The following ADGRV1 variants were observed in gnomAD, a reference collection of about 807,000 sequenced individuals.
The protein encoded by ADGRV1 is adhesion G protein-coupled receptor V1.
ADGRV1 carries 359 observed loss-of-function variants against 596.2 expected under a neutral mutation model. The observed-to-expected ratio is 0.60, with a 90% CI of 0.55 to 0.66. The LOEUF is 0.66. Among genes scored for constraint, ADGRV1 ranks in the 30% least tolerant of loss-of-function variants. ADGRV1 has a pLI of 0.00. For synonymous variants in ADGRV1, 2,681 were observed against 2,679.2 expected, an observed-to-expected ratio of 1.00 and a Z score of -0.02; for missense variants, 7,274 against 7,575.6, an observed-to-expected ratio of 0.96 and a Z score of 1.48.
chr5:91,102,627 T>A (rs1339668963), intron 87 of ADGRV1, among the ~76,000 whole-genome samples: 1 of 152,220 alleles, frequency 6.6e-6, no homozygotes, highest in Non-Finnish European at 1.5e-5. Flanking sequence ...TCAGTAGGAT[T>A]GATGTTTATC....
chr5:90,616,340 C>T (rs992813692), intron 2 of ADGRV1, among the ~76,000 whole-genome samples: 28 of 151,926 alleles, frequency 1.8e-4, no homozygotes, highest in African/African-American at 6.3e-4. Flanking sequence ...GAGAATCTTA[C>T]CAGTAATGCT....
chr5:90,810,792 A>G lies in ADGRV1; in HGVS notation c.15532A>G (p.Ile5178Val), dbSNP rs1287142632. The stretch of plus-strand genomic sequence containing the variant: ...TCTGCAGCCAACCAACGTGGTTGCC[A>G]TTGTTACTGAGGCAACTGGTGTATC... ...TILQPTNVVAIVTEATGVSAI... is the reference protein window; with the variant it reads ...TILQPTNVVAVVTEATGVSAI... The change falls in exon 74 of 90, where the codon ATT becomes GTT. Residue 5178 changes from isoleucine (I) to valine (V), a missense_variant. Physicochemically the swap from Ile to Val is conservative, Grantham distance 29 (BLOSUM62 3). Coordinates refer to ENST00000405460, the MANE Select transcript of ADGRV1 (RefSeq NM_032119.4). 1 of 1,613,972 alleles carries G rather than the reference A, an allele frequency of 6.2e-7. No homozygotes were observed. The highest frequency in any genetic ancestry group is 1.1e-5 in the South Asian group (1 of 91,078).
intron 85 of ADGRV1, among the ~76,000 whole-genome samples, chr5:91,062,026 G>A (rs537890313): frequency 6.6e-6 from 1 of 152,302 alleles, no homozygotes; most frequent in East Asian, 1.9e-4. Flanking sequence ...ATATTCAAAA[G>A]TGGTACAGTT....
intron 86 of ADGRV1, among the ~76,000 whole-genome samples, chr5:91,085,299 C>G (rs552744099): frequency 6.6e-6 from 1 of 152,200 alleles, no homozygotes; most frequent in African/African-American, 2.4e-5. Context: ...CCAACCCACT[C>G]TATGCCACAC....
At position 90,811,047 on chromosome 5, in the gene ADGRV1, G is replaced by A. The variant is rs372897733; in HGVS notation, c.15787G>A (p.Gly5263Ser). The change falls in exon 74 of 90, where the codon GGT becomes AGT. Residue 5263 changes from glycine (G) to serine (S), a missense_variant. This residue lies in a region of ADGRV1 where 1,874 missense variants were observed against 1,970.2 expected (regional missense o/e 0.95). Transcript: ENST00000405460. ...TGTCAGCATAACAGTTAAAACTTTC[G>A]GTGAAAGATGTGCTCAGATGGAACC... Reference protein sequence around the residue: ...GNVSITVKTFGERCAQMEPNA... With the variant: ...GNVSITVKTFSERCAQMEPNA... The A allele has an allele frequency of 1.1e-5, 17 of 1,613,862 alleles. No individual in the cohort carries two copies. The highest frequency in any genetic ancestry group is 7.7e-5 in the South Asian group (7 of 91,090).
rs182704066 is a variant in ADGRV1 at position 90,632,667 on chromosome 5, G to T, written c.1840-2447G>T. ...TATATAAACATGACAATTAATTTTT[G>T]ATGACACTTGAAAGCTAAGAAAAAA... On this transcript the variant is annotated intron_variant, in intron 9 of 89. Coordinates refer to ENST00000405460, the MANE Select transcript of ADGRV1 (RefSeq NM_032119.4). Among the ~76,000 whole-genome samples the T allele has an allele frequency of 3.5e-4, 54 of 152,252 alleles. No individual in the cohort carries two copies. The East Asian group carries it at 9.4e-3, about 27-fold the overall frequency.
At chr5:90,587,555 CTTTT>C (rs35819836) in intron 1 of ADGRV1, among the ~76,000 whole-genome samples, 12 of 138,558 alleles carry the variant, frequency 8.7e-5, no homozygotes, top group African/African-American at 1.8e-4. Context: ...TTTTCTGTGT[CTTTT>C]TTTTTTTTTT....
At chr5:90,735,682 T>C (rs1241219333) in intron 50 of ADGRV1, among the ~76,000 whole-genome samples, 5 of 152,134 alleles carry the variant, frequency 3.3e-5, no homozygotes, top group Non-Finnish European at 7.4e-5. Flanking sequence ...TTTTTTTCTA[T>C]TTCTTTCATC....
chr5:90,636,311 AAAG>A (rs1766205060), intron 10 of ADGRV1, among the ~76,000 whole-genome samples: 1 of 152,168 alleles, frequency 6.6e-6, no homozygotes, highest in African/African-American at 2.4e-5. Flanking sequence ...TTTGGATCAG[AAAG>A]AAGGAGAGCT....
intron 50 of ADGRV1, among the ~76,000 whole-genome samples, chr5:90,742,713 G>A (rs1167423085): frequency 6.6e-6 from 1 of 152,082 alleles, no homozygotes; most frequent in East Asian, 1.9e-4. Flanking sequence ...AGCTGGAGGC[G>A]CATTCTTTAG....
At chr5:90,807,846 A>C in intron 73 of ADGRV1, 109 bp downstream of exon 73, 3 of 1,015,892 alleles carry the variant, frequency 3.0e-6, no homozygotes, top group Non-Finnish European at 4.1e-6. Context: ...GCAAACACAA[A>C]CATAGTTTTA....
chr5:90,676,003 A>C (rs1773211256), intron 24 of ADGRV1, 77 bp from the exon 25 acceptor site: 7 of 1,188,328 alleles, frequency 5.9e-6, no homozygotes, highest in Non-Finnish European at 8.1e-6. Context: ...GATTTTACAA[A>C]TTTGTGTACA....
At chr5:90,673,081 GT>G (rs1772713150) in intron 22 of ADGRV1, among the ~76,000 whole-genome samples, 2 of 152,134 alleles carry the variant, frequency 1.3e-5, no homozygotes, top group African/African-American at 4.8e-5. Flanking sequence ...AGGAGAAATT[GT>G]TTTTTCACTT....
chr5:90,735,092 A>G (rs1383240037), intron 50 of ADGRV1, among the ~76,000 whole-genome samples: 1 of 152,244 alleles, frequency 6.6e-6, no homozygotes, highest in African/African-American at 2.4e-5. Context: ...GAGTCAATCA[A>G]AAAATCCTTG....
intron 43 of ADGRV1, among the ~76,000 whole-genome samples, chr5:90,719,529 C>T (rs1395334563): frequency 6.6e-6 from 1 of 152,002 alleles, no homozygotes; most frequent in Non-Finnish European, 1.5e-5. Flanking sequence ...GCTTCTTTCA[C>T]TCAATATAAT....
intron 83 of ADGRV1, among the ~76,000 whole-genome samples, chr5:90,959,697 G>GAC (rs34131104): frequency 0.51 from 77,198 of 151,664 alleles, 21,218 homozygotes; most frequent in African/African-American, 0.72. Flanking sequence ...GAGGAAAGAT[G>GAC]AGTCTTTCAA....
intron 86 of ADGRV1, among the ~76,000 whole-genome samples, chr5:91,078,718 A>G (rs1445093143): frequency 1.3e-5 from 2 of 152,196 alleles, no homozygotes; most frequent in African/African-American, 4.8e-5. Flanking sequence ...TGTCAGGCAA[A>G]CCAGCTCTGA....
chr5:90,608,993 G>A (rs1762427656), intron 1 of ADGRV1, among the ~76,000 whole-genome samples: 1 of 152,216 alleles, frequency 6.6e-6, no homozygotes, highest in South Asian at 2.1e-4. Flanking sequence ...AATGTTGATG[G>A]TATGTATCTG....
rs557490140 is a variant in ADGRV1 at position 91,031,463 on chromosome 5, G to A, written c.18153-40984G>A. Among the ~76,000 whole-genome samples, 13 of 152,232 alleles carry A rather than the reference G, an allele frequency of 8.5e-5. No individual in the cohort carries two copies. The East Asian group carries it at 1.9e-3, about 23-fold the overall frequency. On this transcript the variant is annotated intron_variant, in intron 85 of 89. Transcript: ENST00000405460. ...GTCACTCAACTCTGAATAATCTGGT[G>A]GCTTTGGCATTTCAGAGAAAGCCAC...
Sources: gnomAD v4.1 joint callset for allele counts (sites outside exome capture counted in the v4.1 genomes callset) on GRCh38, gnomAD v4.1.1 for gene constraint, gnomAD v4.1.1 regional missense constraint, MANE v1.5 for transcripts, NCBI Gene and HGNC (gene_info 2026-07-23, HGNC 2026-07-21) for gene names.